GABRA5: variants seen among roughly 807,000 people sequenced by gnomAD.
The protein encoded by GABRA5 is gamma-aminobutyric acid type A receptor subunit alpha5.
In GABRA5, 18 loss-of-function variants were observed where a neutral mutation model predicts 47.3. The ratio of observed to expected loss-of-function variants is 0.38; its 90% confidence interval spans 0.26 to 0.56. The LOEUF (loss-of-function observed/expected upper bound fraction) is 0.56. Ranked by LOEUF, GABRA5 falls within the 20% of genes least tolerant of loss-of-function variation. The probability of loss-of-function intolerance (pLI) is 0.71; values close to 1 mark genes in which losing one functional copy is unlikely to be tolerated. For synonymous variants in GABRA5, 237 were observed against 229.3 expected, an observed-to-expected ratio of 1.03 and a Z score of -0.30; for missense variants, 365 against 599.3, an observed-to-expected ratio of 0.61 and a Z score of 4.08.
intron 10 of GABRA5, 89 bp downstream of exon 10, chr15:26,943,515 C>T (rs1298297899): frequency 1.7e-6 from 2 of 1,188,718 alleles, no homozygotes; most frequent in African/African-American, 3.0e-5. Flanking sequence ...AGGTGCTGCT[C>T]CTTCCTACCC....
chr15:26,902,277 C>T (rs1315169778), intron 6 of GABRA5, among the ~76,000 whole-genome samples: 1 of 152,016 alleles, frequency 6.6e-6, no homozygotes, highest in East Asian at 1.9e-4. Flanking sequence ...TATGAATGAA[C>T]ATGGAATTTA....
chr15:26,874,299 C>T (rs1892540316), intron 3 of GABRA5, among the ~76,000 whole-genome samples: 1 of 148,676 alleles, frequency 6.7e-6, no homozygotes, highest in South Asian at 2.2e-4. Context: ...GAGTGTATCC[C>T]CTTAATATTC....
intron 3 of GABRA5, among the ~76,000 whole-genome samples, chr15:26,871,523 A>T (rs1310906817): frequency 6.6e-6 from 1 of 152,350 alleles, no homozygotes; most frequent in South Asian, 2.1e-4. Flanking sequence ...CCAGTAATCC[A>T]TCATAAAACA....
chr15:26,922,049 T>C (rs1162700304), intron 7 of GABRA5, among the ~76,000 whole-genome samples: 1 of 152,172 alleles, frequency 6.6e-6, no homozygotes, highest in African/African-American at 2.4e-5. Context: ...ATCTGAAAAG[T>C]ATGTGCATTT....
At chr15:26,910,912 T>A (rs1750769496) in intron 6 of GABRA5, among the ~76,000 whole-genome samples, 1 of 152,180 alleles carries the variant, frequency 6.6e-6, no homozygotes, top group South Asian at 2.1e-4. Flanking sequence ...CTCAGCTCTG[T>A]GTGGAGGCGG....
intron 1 of GABRA5, among the ~76,000 whole-genome samples, chr15:26,868,260 C>T (rs1012405804): frequency 3.3e-5 from 5 of 152,010 alleles, no homozygotes; most frequent in Admixed American, 2.6e-4. Flanking sequence ...ACGAGCCCCC[C>T]GGACGCGCCC....
intron 7 of GABRA5, among the ~76,000 whole-genome samples, chr15:26,919,618 G>A (rs1414268682): frequency 1.3e-5 from 2 of 151,710 alleles, no homozygotes; most frequent in African/African-American, 2.4e-5. Context: ...ACTTTTATAC[G>A]AGAATTAAAA....
At chr15:26,910,027 T>C (rs1234704506) in intron 6 of GABRA5, among the ~76,000 whole-genome samples, 1 of 152,196 alleles carries the variant, frequency 6.6e-6, no homozygotes, top group Non-Finnish European at 1.5e-5. Flanking sequence ...CTTTTTACCC[T>C]TTTTATACTT....
At chr15:26,871,227 G>C (rs772190558) in intron 3 of GABRA5, among the ~76,000 whole-genome samples, 2 of 152,112 alleles carry the variant, frequency 1.3e-5, no homozygotes, top group African/African-American at 2.4e-5. Context: ...AACAAACAAA[G>C]AAACAAAATC....
At chr15:26,897,898 A>G (rs1267595512) in intron 6 of GABRA5, among the ~76,000 whole-genome samples, 1 of 152,138 alleles carries the variant, frequency 6.6e-6, no homozygotes, top group Non-Finnish European at 1.5e-5. Flanking sequence ...ATTGTTTTCT[A>G]AAAAATAATG....
chr15:26,936,334 A>G (rs1421805468), intron 7 of GABRA5, among the ~76,000 whole-genome samples: 1 of 151,536 alleles, frequency 6.6e-6, no homozygotes, highest in African/African-American at 2.4e-5. Flanking sequence ...AAGCTTCCAG[A>G]TTAATATATT....
At position 26,883,987 on chromosome 15, in the gene GABRA5, C is replaced by A. The variant is rs1487075249; in HGVS notation, c.497+430C>A. 1.3e-5 allele frequency among the ~76,000 whole-genome samples: 2 copies of A among 150,818 alleles called. No homozygotes were observed. The highest frequency in any genetic ancestry group is 3.0e-5 in the Non-Finnish European group (2 of 67,762). On this transcript the variant is annotated intron_variant, in intron 6 of 10. Coordinates refer to ENST00000335625, the MANE Select transcript of GABRA5 (RefSeq NM_000810.4). This position sits in a 1 kb window ranked among gnomAD's most constrained non-coding sequence, Gnocchi z 4.8. ...TTCGAGATTAGCCTGGACAACATAG[C>A]GAGACCTTGTTTCTACCAAAAAAAA... is the stretch of plus-strand genomic sequence containing the variant.
At chr15:26,928,952 C>A (rs796844740) in intron 7 of GABRA5, among the ~76,000 whole-genome samples, 5 of 152,258 alleles carry the variant, frequency 3.3e-5, no homozygotes, top group African/African-American at 1.2e-4. Context: ...AGGGCTCCAT[C>A]CTCATAACAT....
rs1439905474 is a variant in GABRA5, at chr15:26,883,048, G to A, written c.209-118G>A. The stretch of plus-strand genomic sequence containing the variant: ...GTCAAGTCCTCCAAATTTACCAAAC[G>A]CACTGCAAAAGCCCCCGGTTGCAGA... On this transcript the variant is annotated intron_variant, in intron 4 of 10. Transcript: ENST00000335625. This position sits in a 1 kb window ranked among gnomAD's most constrained non-coding sequence, Gnocchi z 4.8. 4 of 793,666 alleles carry A rather than the reference G, an allele frequency of 5.0e-6. No individual in the cohort carries two copies. Among genetic ancestry groups the A allele is most frequent in the Non-Finnish European group, 9.1e-6 (4 of 441,756 alleles). The allele number at this position is 793,666 out of a possible 1,614,324, so 49.2% of individuals were successfully genotyped here.
intron 9 of GABRA5, among the ~76,000 whole-genome samples, chr15:26,941,399 A>G (rs1475768804): frequency 6.6e-6 from 1 of 152,204 alleles, no homozygotes; most frequent in Non-Finnish European, 1.5e-5. Flanking sequence ...GATCATGCAT[A>G]GAACACTTCC....
chr15:26,947,288 G>T (rs1356215045), intron 10 of GABRA5, among the ~76,000 whole-genome samples: 1 of 152,088 alleles, frequency 6.6e-6, no homozygotes, highest in Non-Finnish European at 1.5e-5. Context: ...ATGGGAGTTT[G>T]TTATACAGAT....
At chr15:26,934,410 AAC>A (rs1894186867) in intron 7 of GABRA5, among the ~76,000 whole-genome samples, 1 of 152,196 alleles carries the variant, frequency 6.6e-6, no homozygotes, top group African/African-American at 2.4e-5. Context: ...AAGCAGTGAA[AAC>A]ACAGAGTCAC....
At chr15:26,892,738 G>T (rs1419505209) in intron 6 of GABRA5, among the ~76,000 whole-genome samples, 6 of 152,214 alleles carry the variant, frequency 3.9e-5, no homozygotes, top group Non-Finnish European at 8.8e-5. Context: ...GTTACTTTCC[G>T]TTAGCATTCA....
rs1165833695 is a variant in GABRA5 at position 26,883,026 on chromosome 15, A to G, written c.209-140A>G. 9.5e-6 allele frequency: 7 copies of G among 733,518 alleles called. No individual in the cohort carries two copies. Among genetic ancestry groups the G allele is most frequent in the Non-Finnish European group, 1.8e-5 (7 of 399,552 alleles). 45.4% of individuals were successfully genotyped at this position (733,518 alleles called of 1,614,324 possible). A position where few individuals can be genotyped will look rare whatever the true frequency, so the allele number is the denominator to read the frequency against. On this transcript the variant is annotated intron_variant, in intron 4 of 10. Transcript: ENST00000335625. The surrounding 1 kb of genome is among the most constrained non-coding windows in gnomAD (Gnocchi z 4.8). ...AGCTCGATTTCATCTGGTAATTGTC[A>G]AGTCCTCCAAATTTACCAAACGCAC...
Sources: gnomAD v4.1 joint callset for allele counts (sites outside exome capture counted in the v4.1 genomes callset) on GRCh38, gnomAD v4.1.1 for gene constraint, Gnocchi (gnomAD v3.1) non-coding constraint, MANE v1.5 for transcripts, NCBI Gene and HGNC (gene_info 2026-07-23, HGNC 2026-07-21) for gene names.